The following MPPED1 variants were observed in gnomAD, a reference collection of about 807,000 sequenced individuals.
The protein encoded by MPPED1 is metallophosphoesterase domain containing 1.
MPPED1 carries 16 observed loss-of-function variants against 36.2 expected under a neutral mutation model. The ratio of observed to expected loss-of-function variants is 0.44; its 90% CI spans 0.30 to 0.67. The LOEUF is 0.67. MPPED1 is among the 30% of genes least tolerant of loss of function. The probability of loss-of-function intolerance (pLI) is 0.10; values close to 1 mark genes in which losing one functional copy is unlikely to be tolerated. For missense variants in MPPED1, 307 were observed against 453.4 expected (o/e 0.68, Z 2.93); for synonymous variants, 199 against 191.3 (o/e 1.04, Z -0.33).
At chr22:43,431,234 C>T (rs562510504) in intron 2 of MPPED1, among the ~76,000 whole-genome samples, 2 of 151,646 alleles carry the variant, frequency 1.3e-5, no homozygotes, top group South Asian at 4.2e-4. Flanking sequence ...GTAGAGACGA[C>T]GTTTCACCAT....
intron 3 of MPPED1, among the ~76,000 whole-genome samples, chr22:43,463,331 C>CTT (rs3047468): frequency 0.017 from 2,060 of 121,018 alleles, 75 homozygotes; most frequent in African/African-American, 0.063. Context: ...ATGATTTTTT[C>CTT]TTTTTTTTTT....
chr22:43,428,333 G>A (rs1358216561), intron 2 of MPPED1, among the ~76,000 whole-genome samples: 1 of 152,240 alleles, frequency 6.6e-6, no homozygotes, highest in Non-Finnish European at 1.5e-5. Flanking sequence ...GTGGGACCCT[G>A]GAGGGAGCAT....
intron 3 of MPPED1, among the ~76,000 whole-genome samples, chr22:43,462,088 C>G (rs550897162): frequency 1.7e-4 from 26 of 152,116 alleles, no homozygotes; most frequent in Non-Finnish European, 3.2e-4. Context: ...GAGGAATCAG[C>G]CAGCTTTGAT....
chr22:43,448,423 A>G (rs951123725), intron 3 of MPPED1, among the ~76,000 whole-genome samples: 3 of 152,186 alleles, frequency 2.0e-5, no homozygotes, highest in African/African-American at 7.2e-5. Flanking sequence ...GCATTGGACC[A>G]CACATCTAGA....
intron 3 of MPPED1, among the ~76,000 whole-genome samples, chr22:43,444,455 C>G (rs1451237725): frequency 6.6e-6 from 1 of 150,936 alleles, no homozygotes; most frequent in Non-Finnish European, 1.5e-5. Flanking sequence ...CAACCTCCCC[C>G]TCCCGGGTTC....
In MPPED1 at chr22:43,432,381, GGA is replaced by G. The variant is rs767254355; in HGVS notation, c.225-2642_225-2641del. 1.3e-3 allele frequency among the ~76,000 whole-genome samples: 155 copies of G among 120,410 alleles called. 1 individual carries two copies. The highest frequency in any genetic ancestry group is 3.1e-3 in the African/African-American group (80 of 26,100). 79.0% of individuals were successfully genotyped at this position (120,410 alleles called of 152,430 possible). A position where few individuals can be genotyped will look rare whatever the true frequency, so the allele number is the denominator to read the frequency against. ...AGAGAGAAAGGGAGAGAGAAAGGGAGGAGAGAGAGAGAAACGGAGGAGAGAGA... is the reference window on the plus strand; with the variant it reads ...AGAGAGAAAGGGAGAGAGAAAGGGAGGAGAGAGAGAAACGGAGGAGAGAGA... On this transcript the variant is annotated intron_variant, in intron 2 of 6. Coordinates refer to ENST00000443721, the MANE Select transcript of MPPED1 (RefSeq NM_001044370.2).
intron 4 of MPPED1, among the ~76,000 whole-genome samples, chr22:43,480,339 C>T (rs12485242): frequency 0.044 from 6,717 of 152,278 alleles, 184 homozygotes; most frequent in Admixed American, 0.069. Context: ...GCCAGACCCC[C>T]TGCTCAGTGC....
At chr22:43,461,522 G>A (rs1411770142) in intron 3 of MPPED1, among the ~76,000 whole-genome samples, 2 of 152,200 alleles carry the variant, frequency 1.3e-5, no homozygotes, top group African/African-American at 4.8e-5. Context: ...GGAGGACCGT[G>A]TGCTCAAAGA....
intron 4 of MPPED1, among the ~76,000 whole-genome samples, chr22:43,490,729 G>T (rs1456857648): frequency 1.4e-4 from 22 of 152,238 alleles, no homozygotes; most frequent in Admixed American, 1.4e-3. Context: ...GAAATGTGTT[G>T]CTTGTTTTTC....
At chr22:43,491,765 G>A (rs368190156) in intron 4 of MPPED1, among the ~76,000 whole-genome samples, 10,529 of 145,258 alleles carry the variant, frequency 0.072, 1,145 homozygotes, top group African/African-American at 0.21. Context: ...TAGTGGTGAT[G>A]GAGGTGGTAA....
chr22:43,481,288 C>G (rs1931741171), intron 4 of MPPED1, among the ~76,000 whole-genome samples: 1 of 152,196 alleles, frequency 6.6e-6, no homozygotes, highest in African/African-American at 2.4e-5. Flanking sequence ...AGCCTATCCT[C>G]TTTACTCCTA....
chr22:43,464,528 C>T (rs1416481953), intron 3 of MPPED1, among the ~76,000 whole-genome samples: 3 of 152,136 alleles, frequency 2.0e-5, no homozygotes, highest in Admixed American at 1.3e-4. Flanking sequence ...CCTCGATGTT[C>T]CCTAAATGGG....
At chr22:43,427,527 C>T (rs146153595) in intron 2 of MPPED1, among the ~76,000 whole-genome samples, 372 of 152,152 alleles carry the variant, frequency 2.4e-3, no homozygotes, top group Middle Eastern at 0.01. Context: ...CCCTGCAGGC[C>T]GGGCTGCGTC....
chr22:43,477,905 G>A (rs1231602420), intron 4 of MPPED1, among the ~76,000 whole-genome samples: 1 of 152,204 alleles, frequency 6.6e-6, no homozygotes, highest in Non-Finnish European at 1.5e-5. Context: ...GGGGTTGTGA[G>A]GTCTGCTTGG....
chr22:43,473,378 C>T (rs753610980), intron 3 of MPPED1, among the ~76,000 whole-genome samples: 4 of 152,142 alleles, frequency 2.6e-5, no homozygotes, highest in African/African-American at 9.7e-5. Flanking sequence ...CGCGAGGTGT[C>T]GGTCTTTGTT....
chr22:43,417,823 G>A (rs1929127682), intron 1 of MPPED1: 1 of 293,850 alleles, frequency 3.4e-6, no homozygotes, highest in South Asian at 3.1e-5. Flanking sequence ...TCCCATCAGA[G>A]AGGCTGGGGC....
At chr22:43,463,482 C>A (rs186092798) in intron 3 of MPPED1, among the ~76,000 whole-genome samples, 1 of 152,018 alleles carries the variant, frequency 6.6e-6, no homozygotes, top group Admixed American at 6.6e-5. Flanking sequence ...CAGATGGGAG[C>A]CACTGTGGCC....
intron 4 of MPPED1, among the ~76,000 whole-genome samples, chr22:43,494,795 G>A (rs142047911): frequency 0.028 from 4,284 of 151,932 alleles, 212 homozygotes; most frequent in African/African-American, 0.098. Context: ...CTAAACAACA[G>A]AAGTGTGTTT....
chr22:43,478,968 C>T (rs780575772), intron 4 of MPPED1, among the ~76,000 whole-genome samples: 25 of 152,104 alleles, frequency 1.6e-4, no homozygotes, highest in Admixed American at 1.3e-4. Context: ...GCTAGAAGCT[C>T]CACAATTGGA....
Sources: gnomAD v4.1 joint callset for allele counts (sites outside exome capture counted in the v4.1 genomes callset) on GRCh38, gnomAD v4.1.1 for gene constraint, MANE v1.5 for transcripts, NCBI Gene and HGNC (gene_info 2026-07-23, HGNC 2026-07-21) for gene names.